SLC17A5: variants seen among roughly 807,000 people sequenced by gnomAD.
SLC17A5 encodes the protein sialin.
SLC17A5 carries 47 observed loss-of-function variants against 59.4 expected under a neutral mutation model. That is an observed-to-expected ratio of 0.79 (90% CI 0.63 to 1.01). The LOEUF (loss-of-function observed/expected upper bound fraction) is 1.01. SLC17A5 is among the 50% of genes least tolerant of loss of function. The pLI is 0.00. For missense variants in SLC17A5, 522 were observed against 595.5 expected (o/e 0.88, Z 1.28); for synonymous variants, 202 against 210.7 (o/e 0.96, Z 0.36).
rs754509947 is a variant in SLC17A5, at chr6:73,600,376, A to G, written c.1325T>C (p.Val442Ala). Residue 442 changes from valine to alanine, a missense_variant, in exon 10 of 11, where the codon GTC becomes GCC. By Grantham distance (64) the Val-to-Ala change is moderately conservative (BLOSUM62 0). Around this residue, in one of 3 missense-constraint regions of SLC17A5, gnomAD observed 153 missense variants for 168.5 expected, o/e 0.91. Coordinates refer to ENST00000355773, the MANE Select transcript of SLC17A5 (RefSeq NM_012434.5). ...ATCAGGGGTCAGACTTTTAGCAATG[A>G]CGGGCCCAACCATTCCTGGAATAGT... ...FATIPGMVGPVIAKSLTPDNT... is the reference protein window; with the variant it reads ...FATIPGMVGPAIAKSLTPDNT... The G allele has an allele frequency of 1.2e-6, 2 of 1,614,070 alleles. No homozygotes were observed. Among genetic ancestry groups the G allele is most frequent in the African/African-American group, 1.3e-5 (1 of 75,038 alleles).
chr6:73,653,510 GC>G (rs1769968487), intron 1 of SLC17A5: 2 of 637,026 alleles, frequency 3.1e-6, no homozygotes, highest in East Asian at 2.3e-4. Flanking sequence ...CCCCGCCCCC[GC>G]CCCCGCCCCC....
At position 73,615,885 on chromosome 6, in the gene SLC17A5, T is replaced by TTG. The variant is rs1486048527; in HGVS notation, c.979-439_979-438insCA. Among the ~76,000 whole-genome samples the TTG allele has an allele frequency of 1.4e-3, 202 of 141,908 alleles. 1 individual carries two copies. The highest frequency in any genetic ancestry group is 4.9e-3 in the African/African-American group (192 of 38,842). 93.1% of individuals were successfully genotyped at this position (141,908 alleles called of 152,430 possible). A position where few individuals can be genotyped will look rare whatever the true frequency, so the allele number is the denominator to read the frequency against. On this transcript the variant is annotated intron_variant, in intron 7 of 10. Transcript: ENST00000355773. ...ACATAGCTTAATGAATCATTCTTTT[T>TTG]TTTTTTTTTTTTTTTTTTGAGATGG...
intron 7 of SLC17A5, among the ~76,000 whole-genome samples, chr6:73,618,101 C>T (rs1230127266): frequency 6.6e-6 from 1 of 151,394 alleles, no homozygotes; most frequent in Non-Finnish European, 1.5e-5. Context: ...TGGTGGCACA[C>T]ACCTGAAATC....
intron 3 of SLC17A5, among the ~76,000 whole-genome samples, chr6:73,639,422 C>G (rs1413869777): frequency 6.6e-6 from 1 of 151,816 alleles, no homozygotes. Flanking sequence ...AAAACAAAAA[C>G]AAAAGGAATT....
intron 7 of SLC17A5, among the ~76,000 whole-genome samples, chr6:73,616,108 A>C (rs776504639): frequency 8.6e-5 from 13 of 151,778 alleles, no homozygotes; most frequent in Non-Finnish European, 1.8e-4. Flanking sequence ...CTGGTCTTGA[A>C]CTTCTGACCT....
intron 8 of SLC17A5, among the ~76,000 whole-genome samples, chr6:73,611,977 G>A (rs191692151): frequency 3.3e-5 from 5 of 151,612 alleles, no homozygotes; most frequent in East Asian, 3.9e-4. Flanking sequence ...GACTACAGGT[G>A]CACGCCACCA....
At chr6:73,611,034 G>A (rs1767618669) in intron 8 of SLC17A5, among the ~76,000 whole-genome samples, 1 of 152,112 alleles carries the variant, frequency 6.6e-6, no homozygotes, top group South Asian at 2.1e-4. Context: ...CTTGAGGCCA[G>A]GAGTTTGAGG....
intron 8 of SLC17A5, among the ~76,000 whole-genome samples, chr6:73,611,676 G>A (rs578262147): frequency 2.6e-5 from 4 of 152,008 alleles, no homozygotes; most frequent in South Asian, 4.1e-4. Flanking sequence ...GCAGTTAAGC[G>A]TAAAATATGA....
At chr6:73,606,650 C>A (rs535874565) in intron 9 of SLC17A5, among the ~76,000 whole-genome samples, 1 of 152,296 alleles carries the variant, frequency 6.6e-6, no homozygotes, top group East Asian at 1.9e-4. Context: ...TACTTCATGA[C>A]ATGACCCACC....
intron 9 of SLC17A5, among the ~76,000 whole-genome samples, chr6:73,602,131 G>A (rs1390922035): frequency 2.6e-5 from 4 of 151,480 alleles, no homozygotes; most frequent in Admixed American, 2.0e-4. Context: ...GTTGATCGGT[G>A]ACCTTACCCC....
rs1440688652 is a variant in SLC17A5 at position 73,636,619 on chromosome 6, A to G, written c.700+2T>C. ...ATAATTTAGTTAAAATTTTAAACTT[A>G]CCAAAAAAGTAGAAGACATAAGTCC... is the stretch of plus-strand genomic sequence containing the variant. On this transcript the variant is annotated splice_donor_variant, in intron 5 of 10. Transcript: ENST00000355773. LOFTEE classifies it high-confidence loss of function. The G allele has an allele frequency of 1.3e-6, 2 of 1,536,684 alleles. No homozygotes were observed. Among genetic ancestry groups the G allele is most frequent in the Admixed American group, 1.7e-5 (1 of 59,672 alleles).
intron 6 of SLC17A5, among the ~76,000 whole-genome samples, chr6:73,630,881 T>C (rs1005669189): frequency 4.0e-5 from 6 of 151,756 alleles, no homozygotes; most frequent in African/African-American, 7.3e-5. Flanking sequence ...ACCCCGTTTC[T>C]ACTAAAAATA....
intron 10 of SLC17A5, among the ~76,000 whole-genome samples, chr6:73,598,462 C>T (rs1766916996): frequency 6.6e-6 from 1 of 151,776 alleles, no homozygotes; most frequent in South Asian, 2.1e-4. Flanking sequence ...GAAACCCCAT[C>T]TGTACTAAAA....
chr6:73,607,282 A>ATTTTT (rs71000137), intron 9 of SLC17A5, among the ~76,000 whole-genome samples: 2 of 143,982 alleles, frequency 1.4e-5, no homozygotes, highest in African/African-American at 2.5e-5. Context: ...CAATAGCACT[A>ATTTTT]TTTTTTTTTT....
chr6:73,649,616 T>G (rs1228474587), intron 1 of SLC17A5, among the ~76,000 whole-genome samples: 1 of 152,100 alleles, frequency 6.6e-6, no homozygotes, highest in African/African-American at 2.4e-5. Flanking sequence ...AAAAAACAAA[T>G]ATTACTAAGC....
chr6:73,626,061 AG>A (rs1162737203), intron 6 of SLC17A5, among the ~76,000 whole-genome samples: 1 of 152,226 alleles, frequency 6.6e-6, no homozygotes, highest in Non-Finnish European at 1.5e-5. Context: ...TTATGCTGAA[AG>A]GTACAAGTGT....
intron 7 of SLC17A5, among the ~76,000 whole-genome samples, chr6:73,615,871 T>A (rs1432788519): frequency 6.8e-6 from 1 of 147,444 alleles, no homozygotes; most frequent in Non-Finnish European, 1.5e-5. Flanking sequence ...CATAGCTTAA[T>A]GAATCATTCT....
intron 6 of SLC17A5, among the ~76,000 whole-genome samples, chr6:73,628,619 T>C (rs1440740975): frequency 1.4e-5 from 2 of 138,546 alleles, no homozygotes; most frequent in South Asian, 2.3e-4. Context: ...CAAAAAAATT[T>C]AAAATTGCTC....
intron 3 of SLC17A5, among the ~76,000 whole-genome samples, chr6:73,639,612 G>T (rs1338674382): frequency 6.6e-6 from 1 of 152,138 alleles, no homozygotes; most frequent in Non-Finnish European, 1.5e-5. Context: ...GACAATGTAG[G>T]TATATTTATG....
Sources: gnomAD v4.1 joint callset for allele counts (sites outside exome capture counted in the v4.1 genomes callset) on GRCh38, gnomAD v4.1.1 for gene constraint, gnomAD v4.1.1 regional missense constraint, MANE v1.5 for transcripts, NCBI Gene and HGNC (gene_info 2026-07-23, HGNC 2026-07-21) for gene names.